The following SUPT7L variants were observed in gnomAD, a reference collection of about 807,000 sequenced individuals.
SUPT7L encodes STAGA complex 65 subunit gamma.
In SUPT7L, 15 loss-of-function variants were observed where a neutral mutation model predicts 35.7. The observed-to-expected ratio is 0.42, with a 90% confidence interval of 0.28 to 0.65. The LOEUF (loss-of-function observed/expected upper bound fraction) is 0.65. Among genes scored for constraint, SUPT7L ranks in the 30% least tolerant of loss-of-function variants. The probability of loss-of-function intolerance (pLI) is 0.23; values close to 1 mark genes in which losing one functional copy is unlikely to be tolerated. For missense variants in SUPT7L, 434 were observed against 522.2 expected (o/e 0.83, Z 1.65); for synonymous variants, 168 against 186.2 (o/e 0.90, Z 0.79).
At chr2:27,643,870 G>C in the SUPT7L span, among the ~76,000 whole-genome samples, 1 of 152,072 alleles carries the variant, frequency 6.6e-6, no homozygotes, top group Non-Finnish European at 1.5e-5. The surrounding 1 kb of genome is among the most constrained non-coding windows in gnomAD (Gnocchi z 4.0). Context: ...TGTATGCTAC[G>C]TTTTTCATAA....
At position 27,657,696 on chromosome 2, in the gene SUPT7L, T is replaced by C. The variant is rs1173354077; in HGVS notation, c.420-27A>G. 8.2e-6 allele frequency: 13 copies of C among 1,587,668 alleles called. No homozygotes were observed. The highest frequency in any genetic ancestry group is 1.1e-5 in the South Asian group (1 of 87,460). On this transcript the variant is annotated intron_variant, in intron 3 of 5. Transcript: ENST00000337768. The surrounding 1 kb of genome is among the most constrained non-coding windows in gnomAD (Gnocchi z 5.2). Reference sequence around the variant, plus strand: ...TGAAAGTGGAGATACGGTGGTGTTATTAATGTTCTTGCAAAGGGGTGACCC... The same window carrying C: ...TGAAAGTGGAGATACGGTGGTGTTACTAATGTTCTTGCAAAGGGGTGACCC...
At position 27,651,000 on chromosome 2, in the gene SUPT7L, T is replaced by C. The variant is rs1359143237; in HGVS notation, c.*2485A>G. 2.0e-5 allele frequency: 3 copies of C among 152,422 alleles called. No homozygotes were observed. The highest frequency in any genetic ancestry group is 7.2e-5 in the African/African-American group (3 of 41,450). The allele number at this position is 152,422 out of a possible 1,614,324, so 9.4% of individuals were successfully genotyped here. ...TTTACTAAAGTTTCCCACGTGCACA[T>C]ACTGACTAAATACAGAGCTAGGCCC... On this transcript the variant is annotated 3_prime_UTR_variant, in exon 6 of 6. Coordinates refer to ENST00000337768, the MANE Select transcript of SUPT7L (RefSeq NM_014860.3).
chr2:27,661,869 G>T, intron 2 of SUPT7L: 1 of 445,324 alleles, frequency 2.2e-6, no homozygotes, highest in South Asian at 2.5e-5. Context: ...AACTAGTAGG[G>T]TTAAAGATAA....
the SUPT7L span, among the ~76,000 whole-genome samples, chr2:27,643,268 CAT>C: frequency 6.6e-6 from 1 of 150,796 alleles, no homozygotes; most frequent in African/African-American, 2.4e-5. This position sits in a 1 kb window ranked among gnomAD's most constrained non-coding sequence, Gnocchi z 4.0. Flanking sequence ...AAATAATTGC[CAT>C]AATTATTCTA....
chr2:27,648,699 G>C (rs113160276), downstream of SUPT7L, among the ~76,000 whole-genome samples: 7 of 152,030 alleles, frequency 4.6e-5, no homozygotes, highest in African/African-American at 1.7e-4. Flanking sequence ...GCAGTGGCAC[G>C]ATCTCAGCTG....
At chr2:27,659,162 A>G (rs531503356) in intron 3 of SUPT7L, among the ~76,000 whole-genome samples, 2 of 152,362 alleles carry the variant, frequency 1.3e-5, no homozygotes, top group African/African-American at 4.8e-5. Context: ...TATGCTGTGC[A>G]TGTAATAACA....
At chr2:27,642,972 C>T in the SUPT7L span, among the ~76,000 whole-genome samples, 4 of 150,874 alleles carry the variant, frequency 2.7e-5, no homozygotes, top group South Asian at 2.1e-4. Context: ...CACACACACA[C>T]ACACACACAC....
At chr2:27,643,197 A>ATT in the SUPT7L span, among the ~76,000 whole-genome samples, 6 of 144,418 alleles carry the variant, frequency 4.2e-5, no homozygotes, top group African/African-American at 1.5e-4. The surrounding 1 kb of genome is among the most constrained non-coding windows in gnomAD (Gnocchi z 4.0). Context: ...ATTAAAAAAA[A>ATT]TTTTTTTTTT....
At chr2:27,654,927 A>G in intron 5 of SUPT7L, among the ~76,000 whole-genome samples, 1 of 152,192 alleles carries the variant, frequency 6.6e-6, no homozygotes, top group South Asian at 2.1e-4. Context: ...AGGGAAGCCA[A>G]ACTCTGAGAA....
At chr2:27,661,493 T>C in intron 2 of SUPT7L, 105 bp from the exon 3 acceptor site, 1 of 1,531,270 alleles carries the variant, frequency 6.5e-7, no homozygotes, top group South Asian at 1.3e-5. Flanking sequence ...TAGGCTTCTG[T>C]AGTGAAAAAT....
chr2:27,646,914 CAGTCCTTT>C (rs558506240), downstream of SUPT7L, among the ~76,000 whole-genome samples: 208 of 152,314 alleles, frequency 1.4e-3, no homozygotes, highest in South Asian at 7.5e-3. Flanking sequence ...CTATGTGCCA[CAGTCCTTT>C]AGAATCACTT....
At chr2:27,655,975 C>T (rs1483161528) in intron 4 of SUPT7L, among the ~76,000 whole-genome samples, 1 of 151,022 alleles carries the variant, frequency 6.6e-6, no homozygotes, top group African/African-American at 2.4e-5. Flanking sequence ...ACTTGAGCCT[C>T]GGAGTCTGAG....
rs1316649428 is a variant in SUPT7L, at chr2:27,661,386, T to C, written c.17A>G (p.Tyr6Cys). The C allele has an allele frequency of 6.2e-7, 1 of 1,613,648 alleles. No homozygotes were observed. The highest frequency in any genetic ancestry group is 8.5e-7 in the Non-Finnish European group (1 of 1,180,010). The part of the protein sequence containing the change: MNLQR[Y>C]WGEIPISSSQ... ...TGATGATATTGGTATCTCTCCCCAG[T>C]ATCTCAACATTTTGGAATAAGAAGA... is the stretch of plus-strand genomic sequence containing the variant. The change falls in exon 3 of 6, where the codon TAC becomes TGC. Residue 6 changes from tyrosine (Y) to cysteine (C), a missense_variant and splice_region_variant. Coordinates refer to ENST00000337768, the MANE Select transcript of SUPT7L (RefSeq NM_014860.3).
In SUPT7L at chr2:27,657,360, G is replaced by A. The variant is rs755253587; in HGVS notation, c.729C>T (p.His243=). ...KFWQHRIKDY[H]SYMLQISKQL... ...GTCGCCTCACCTGTAGCATGTAACT[G>A]TGATAGTCCTTGATGCGGTGCTGCC... is the stretch of plus-strand genomic sequence containing the variant. Residue 243 remains histidine, a synonymous_variant, in exon 4 of 6, where the codon CAC becomes CAT. Coordinates refer to ENST00000337768, the MANE Select transcript of SUPT7L (RefSeq NM_014860.3). The surrounding 1 kb of genome is among the most constrained non-coding windows in gnomAD (Gnocchi z 5.2). 1.9e-6 allele frequency: 3 copies of A among 1,614,150 alleles called. No individual in the cohort carries two copies. Among genetic ancestry groups the A allele is most frequent in the Admixed American group, 3.3e-5 (2 of 60,030 alleles).
Position 27,657,746 on chromosome 2 carries a change from C to T in SUPT7L, c.420-77G>A. 7.3e-7 allele frequency: 1 copy of T among 1,367,990 alleles called. No homozygotes were observed. Among genetic ancestry groups the T allele is most frequent in the South Asian group, 1.5e-5 (1 of 68,558 alleles). The allele number at this position is 1,367,990 out of a possible 1,614,324, so 84.7% of individuals were successfully genotyped here. A position where few individuals can be genotyped will look rare whatever the true frequency, so the allele number is the denominator to read the frequency against. On this transcript the variant is annotated intron_variant, in intron 3 of 5. Coordinates refer to ENST00000337768, the MANE Select transcript of SUPT7L (RefSeq NM_014860.3). This position sits in a 1 kb window ranked among gnomAD's most constrained non-coding sequence, Gnocchi z 5.2. Reference sequence around the variant, plus strand: ...CCTCCTGTCTTCCCCAGGAGTTTTACAATTCCAGTCAAGCCACTGGCCTAG... The same window carrying T: ...CCTCCTGTCTTCCCCAGGAGTTTTATAATTCCAGTCAAGCCACTGGCCTAG...
rs1371035389 is a variant in SUPT7L, at chr2:27,661,176, AGAC to A, written c.224_226del (p.Arg75del). On this transcript the variant is annotated inframe_deletion, in exon 3 of 6. Coordinates refer to ENST00000337768, the MANE Select transcript of SUPT7L (RefSeq NM_014860.3). ...CTGAGCTGTGGCAATAAGGTTGCGA[AGAC>A]GTCGGTTGTGCTGAATCAACTGAAT... 4 of 1,614,042 alleles carry A rather than the reference AGAC, an allele frequency of 2.5e-6. No homozygotes were observed. The highest frequency in any genetic ancestry group is 3.4e-6 in the Non-Finnish European group (4 of 1,180,038).
At position 27,657,330 on chromosome 2, in the gene SUPT7L, A is replaced by G. The variant is rs1283107181; in HGVS notation, c.744+15T>C. 1 of 1,609,234 alleles carries G rather than the reference A, an allele frequency of 6.2e-7. No individual in the cohort carries two copies. Among genetic ancestry groups the G allele is most frequent in the South Asian group, 1.1e-5 (1 of 90,648 alleles). On this transcript the variant is annotated intron_variant, in intron 4 of 5. Coordinates refer to ENST00000337768, the MANE Select transcript of SUPT7L (RefSeq NM_014860.3). The surrounding 1 kb of genome is among the most constrained non-coding windows in gnomAD (Gnocchi z 5.2). ...CACAGACATCTGTGCCCACTTTTCA[A>G]CAGGGTCGCCTCACCTGTAGCATGT...
At chr2:27,660,426 G>A (rs905914524) in intron 3 of SUPT7L, among the ~76,000 whole-genome samples, 2 of 152,052 alleles carry the variant, frequency 1.3e-5, no homozygotes, top group African/African-American at 4.8e-5. Flanking sequence ...GTTTCGCCAT[G>A]TTGGCCAGGT....
At chr2:27,653,819 T>C (rs964209237) in intron 5 of SUPT7L, 72 bp from the exon 6 acceptor site, 27 of 1,577,474 alleles carry the variant, frequency 1.7e-5, no homozygotes, top group Admixed American at 6.8e-5. Flanking sequence ...AGAGTAAATA[T>C]ATCACTCAGA....
Sources: allele counts gnomAD v4.1 joint callset (sites outside exome capture counted in the v4.1 genomes callset), GRCh38; gene constraint gnomAD v4.1.1; non-coding constraint Gnocchi (gnomAD v3.1); transcripts MANE v1.5; gene names NCBI Gene and HGNC (gene_info 2026-07-23, HGNC 2026-07-21).